Variants in TECPR2 observed in about 807,000 individuals in gnomAD.
TECPR2 encodes the protein tectonin beta-propeller repeat containing 2, also known as tectonin beta-propeller repeat-containing protein 2.
Under a neutral mutation model 138.1 loss-of-function variants are expected in TECPR2, and 65 were observed. The ratio of observed to expected loss-of-function variants is 0.47; its 90% CI spans 0.39 to 0.58. The LOEUF is 0.58. TECPR2 is among the 20% of genes least tolerant of loss of function. The pLI is 0.00. For synonymous variants in TECPR2, 746 were observed against 749.8 expected (o/e 0.99, Z 0.08); for missense variants, 1,553 against 1,824.5 (o/e 0.85, Z 2.71).
chr14:102,441,396 G>T (rs1402366755), intron 11 of TECPR2, among the ~76,000 whole-genome samples: 2 of 149,638 alleles, frequency 1.3e-5, no homozygotes, highest in African/African-American at 4.9e-5. Flanking sequence ...AGCAGTTCAG[G>T]CCAGGTGTGG....
At chr14:102,446,354 T>C (rs1438270821) in intron 13 of TECPR2, among the ~76,000 whole-genome samples, 1 of 152,046 alleles carries the variant, frequency 6.6e-6, no homozygotes, top group Non-Finnish European at 1.5e-5. Context: ...ATCCCAGCAA[T>C]TTGAGAGGCC....
At chr14:102,466,320 T>C (rs1462095490) in intron 17 of TECPR2, among the ~76,000 whole-genome samples, 1 of 152,092 alleles carries the variant, frequency 6.6e-6, no homozygotes, top group Non-Finnish European at 1.5e-5. Flanking sequence ...CAGAGGGTGA[T>C]GGGGATGATA....
chr14:102,375,849 A>G (rs1436526834), intron 1 of TECPR2, among the ~76,000 whole-genome samples: 3 of 152,034 alleles, frequency 2.0e-5, no homozygotes, highest in Non-Finnish European at 4.4e-5. Flanking sequence ...GAGTCTCATG[A>G]CCCTCTGGCC....
At chr14:102,418,796 T>A (rs988720284) in intron 5 of TECPR2, among the ~76,000 whole-genome samples, 2 of 152,102 alleles carry the variant, frequency 1.3e-5, no homozygotes, top group Non-Finnish European at 2.9e-5. Flanking sequence ...GGGTTGGTGG[T>A]CGGACTGCTT....
intron 5 of TECPR2, among the ~76,000 whole-genome samples, chr14:102,423,601 G>C (rs1021754025): frequency 2.0e-5 from 3 of 152,094 alleles, no homozygotes; most frequent in African/African-American, 7.2e-5. Context: ...GCTAGACTAT[G>C]TGGGTGTGTC....
intron 17 of TECPR2, among the ~76,000 whole-genome samples, chr14:102,482,279 C>G (rs1383889433): frequency 1.3e-5 from 2 of 152,220 alleles, no homozygotes; most frequent in Non-Finnish European, 2.9e-5. Flanking sequence ...TGGTCTCAAA[C>G]TCCTGACCTC....
intron 2 of TECPR2, 119 bp downstream of exon 2, chr14:102,377,059 C>A: frequency 2.0e-6 from 2 of 987,646 alleles, no homozygotes; most frequent in Non-Finnish European, 3.0e-6. Flanking sequence ...CTTAATACCT[C>A]ACCCAAACAA....
At chr14:102,429,233 G>A (rs951607980) in intron 7 of TECPR2, among the ~76,000 whole-genome samples, 3 of 152,182 alleles carry the variant, frequency 2.0e-5, no homozygotes, top group Non-Finnish European at 2.9e-5. Flanking sequence ...CTCACATTTA[G>A]TGGAGTTGCT....
rs1477789852 is a variant in TECPR2 at position 102,432,132 on chromosome 14, C to T, written c.1417+4C>T. On this transcript the variant is annotated splice_donor_region_variant and intron_variant, in intron 8 of 19. Transcript: ENST00000359520. The stretch of plus-strand genomic sequence containing the variant: ...AAGAAGAAGAAGAAGAAGACAGGTA[C>T]CCTCTGTAGCTGGCACACACCCATC... The T allele has an allele frequency of 6.5e-7, 1 of 1,546,150 alleles. No homozygotes were observed. The highest frequency in any genetic ancestry group is 1.2e-5 in the South Asian group (1 of 84,866).
At chr14:102,431,716 T>A (rs1409657356) in intron 7 of TECPR2, 80 bp from the exon 8 acceptor site, 9 of 1,381,172 alleles carry the variant, frequency 6.5e-6, no homozygotes, top group Non-Finnish European at 7.8e-6. Flanking sequence ...CAACTGGTAT[T>A]TAGGGCTAGC....
chr14:102,369,397 C>A (rs1202476924), intron 1 of TECPR2, among the ~76,000 whole-genome samples: 1 of 151,972 alleles, frequency 6.6e-6, no homozygotes, highest in Non-Finnish European at 1.5e-5. Context: ...TTTTATTGAT[C>A]GATTGATTTG....
chr14:102,450,837 A>G (rs1890121758), intron 15 of TECPR2, among the ~76,000 whole-genome samples, 188 bp downstream of exon 15: 2 of 152,220 alleles, frequency 1.3e-5, no homozygotes, highest in Non-Finnish European at 2.9e-5. Flanking sequence ...AGGCCTGACC[A>G]GGAGAGCCTC....
At chr14:102,466,294 G>A (rs1327015309) in intron 17 of TECPR2, among the ~76,000 whole-genome samples, 4 of 152,190 alleles carry the variant, frequency 2.6e-5, no homozygotes, top group African/African-American at 7.2e-5. Context: ...GTCCTCCTTG[G>A]TGGGTCTTCC....
At position 102,415,236 on chromosome 14, in the gene TECPR2, C is replaced by T. The variant is rs1433252811; in HGVS notation, c.638+443C>T. 6.6e-6 allele frequency among the ~76,000 whole-genome samples: 1 copy of T among 152,216 alleles called. No individual in the cohort carries two copies. Among genetic ancestry groups the T allele is most frequent in the Non-Finnish European group, 1.5e-5 (1 of 68,040 alleles). On this transcript the variant is annotated intron_variant, in intron 5 of 19. Coordinates refer to ENST00000359520, the MANE Select transcript of TECPR2 (RefSeq NM_014844.5). This position sits in a 1 kb window ranked among gnomAD's most constrained non-coding sequence, Gnocchi z 4.3. ...ACATGGTAAACACGGCAGATCTGAG[C>T]CCTCCGTTGTGGAAATGGAAACACA...
intron 2 of TECPR2, among the ~76,000 whole-genome samples, chr14:102,397,669 C>G (rs1472913244): frequency 6.6e-6 from 1 of 152,086 alleles, no homozygotes; most frequent in East Asian, 1.9e-4. Context: ...ATCGCTTGAA[C>G]CTGGGAGGCA....
chr14:102,423,623 C>A (rs1229215730), intron 5 of TECPR2, among the ~76,000 whole-genome samples: 2 of 152,078 alleles, frequency 1.3e-5, no homozygotes, highest in Non-Finnish European at 2.9e-5. Context: ...TAGGCTGTGC[C>A]ATCTAGGTTT....
intron 17 of TECPR2, chr14:102,465,586 G>C: frequency 9.3e-7 from 1 of 1,077,976 alleles, no homozygotes; most frequent in Non-Finnish European, 1.1e-6. Flanking sequence ...TTTTAAATCT[G>C]CCTATATATT....
At chr14:102,483,536 G>A (rs1268711303) in intron 17 of TECPR2, among the ~76,000 whole-genome samples, 1 of 151,828 alleles carries the variant, frequency 6.6e-6, no homozygotes, top group Non-Finnish European at 1.5e-5. Flanking sequence ...TAAACTTCTG[G>A]GCTCAAGCAA....
Position 102,431,873 on chromosome 14 carries a change from G to A in TECPR2, c.1162G>A (p.Val388Ile). The A allele has an allele frequency of 6.2e-7, 1 of 1,604,924 alleles. No homozygotes were observed. Among genetic ancestry groups the A allele is most frequent in the Non-Finnish European group, 8.5e-7 (1 of 1,172,420 alleles). ...AGCGGAGAAGCTGCCAGGGGCCACA[G>A]TTTCTGAGACGAGGCTCAGAGGCTC... is the stretch of plus-strand genomic sequence containing the variant. ...QQAEKLPGAT[V>I]SETRLRGSSM... Residue 388 changes from valine (V) to isoleucine (I), a missense_variant, in exon 8 of 20, where the codon GTT becomes ATT. Coordinates refer to ENST00000359520, the MANE Select transcript of TECPR2 (RefSeq NM_014844.5).
Sources: gnomAD v4.1 joint callset for allele counts (sites outside exome capture counted in the v4.1 genomes callset) on GRCh38, gnomAD v4.1.1 for gene constraint, Gnocchi (gnomAD v3.1) non-coding constraint, MANE v1.5 for transcripts, NCBI Gene and HGNC (gene_info 2026-07-23, HGNC 2026-07-21) for gene names.